The following C3orf49 variants were observed in gnomAD, a reference collection of about 807,000 sequenced individuals.
C3orf49 encodes putative uncharacterized protein C3orf49.
C3orf49 carries 27 observed loss-of-function variants against 13.3 expected under a neutral mutation model. The ratio of observed to expected loss-of-function variants is 2.02; its 90% CI spans 1.49 to 2.79. The LOEUF (loss-of-function observed/expected upper bound fraction) is 2.79, where lower values mean the gene tolerates loss of function less well. C3orf49 is among the 30% of genes most tolerant of loss of function. The pLI, the probability that C3orf49 is intolerant of heterozygous loss-of-function variation, is 0.00. For synonymous variants in C3orf49, 87 were observed against 47.6 expected, an observed-to-expected ratio of 1.83 and a Z score of -3.40; for missense variants, 242 against 134.2, an observed-to-expected ratio of 1.80 and a Z score of -3.97.
the C3orf49 span, among the ~76,000 whole-genome samples, chr3:63,791,069 T>C: frequency 6.8e-4 from 104 of 152,202 alleles, no homozygotes; most frequent in Non-Finnish European, 1.2e-3. Flanking sequence ...CAGGTACTTT[T>C]TGTTTTTTCA....
chr3:63,814,956 T>C (rs1020664900), upstream of C3orf49, among the ~76,000 whole-genome samples: 2 of 152,200 alleles, frequency 1.3e-5, no homozygotes, highest in Non-Finnish European at 2.9e-5. Context: ...TTGGGAGGCC[T>C]CTGGAAGCTC....
At chr3:63,800,863 A>G in the C3orf49 span, among the ~76,000 whole-genome samples, 26 of 152,252 alleles carry the variant, frequency 1.7e-4, no homozygotes, top group Admixed American at 1.1e-3. Flanking sequence ...GAGGGGAAGA[A>G]CCACCCAGGG....
the C3orf49 span, among the ~76,000 whole-genome samples, chr3:63,783,687 C>A: frequency 2.6e-5 from 4 of 151,470 alleles, no homozygotes; most frequent in Admixed American, 2.0e-4. Context: ...CACTACACTC[C>A]AGCCTGGGCA....
At chr3:63,780,727 C>T in the C3orf49 span, among the ~76,000 whole-genome samples, 1 of 152,220 alleles carries the variant, frequency 6.6e-6, no homozygotes, top group African/African-American at 2.4e-5. Context: ...ATTTGCATTT[C>T]TCTGGTGGCC....
chr3:63,811,962 C>T, the C3orf49 span, among the ~76,000 whole-genome samples: 2 of 151,588 alleles, frequency 1.3e-5, no homozygotes, highest in Non-Finnish European at 2.9e-5. Flanking sequence ...GAACTCTGTT[C>T]ATGGAGATTG....
At chr3:63,843,486 T>G (rs1218393733) in intron 5 of C3orf49, among the ~76,000 whole-genome samples, 1 of 152,168 alleles carries the variant, frequency 6.6e-6, no homozygotes, top group Non-Finnish European at 1.5e-5. Flanking sequence ...TGGTTATGTG[T>G]CCAAAGGAAA....
intron 5 of C3orf49, among the ~76,000 whole-genome samples, chr3:63,837,737 A>G (rs1229939849): frequency 1.3e-5 from 2 of 152,106 alleles, no homozygotes; most frequent in African/African-American, 2.4e-5. Flanking sequence ...TAAGAAAAAA[A>G]AAGAGAAAAA....
chr3:63,832,438 C>T (rs879280886), intron 5 of C3orf49, among the ~76,000 whole-genome samples: 3 of 152,122 alleles, frequency 2.0e-5, no homozygotes, highest in Non-Finnish European at 4.4e-5. Flanking sequence ...GTGGGTGGAT[C>T]ACGTGAACCC....
At chr3:63,800,792 C>T in the C3orf49 span, among the ~76,000 whole-genome samples, 1 of 152,064 alleles carries the variant, frequency 6.6e-6, no homozygotes, top group Non-Finnish European at 1.5e-5. Flanking sequence ...GCAAATTTGC[C>T]AGTGGAATCC....
At position 63,828,502 on chromosome 3, in the gene C3orf49, G is replaced by A. The variant is rs559178693; in HGVS notation, c.570+777G>A. On this transcript the variant is annotated intron_variant, in intron 3 of 6. Coordinates refer to ENST00000295896, the MANE Select transcript of C3orf49 (RefSeq NM_001355236.2). ...TTTAGTAGAGACAGCGTTTCGCCAT[G>A]TTGGTCAGGCTGGTCTCGAACTCCT... Among the ~76,000 whole-genome samples the A allele has an allele frequency of 4.6e-4, 70 of 152,298 alleles. No individual in the cohort carries two copies. In the South Asian group the frequency reaches 0.014, roughly 31 times the overall value.
Position 63,829,061 on chromosome 3 carries a change from A to G in C3orf49, c.570+1336A>G, listed in dbSNP as rs77862975. Among the ~76,000 whole-genome samples the G allele has an allele frequency of 5.2e-3, 787 of 152,348 alleles. 6 individuals are homozygous for G. Among genetic ancestry groups the G allele is most frequent in the African/African-American group, 0.018 (748 of 41,576 alleles). ...AGTGGCTGTCCTATACAGCACAGAT[A>G]GAGAACATTTCCATCTTCACAGAAA... On this transcript the variant is annotated intron_variant, in intron 3 of 6. Transcript: ENST00000295896.
At chr3:63,838,442 G>A in intron 5 of C3orf49, 1 of 1,608,574 alleles carries the variant, frequency 6.2e-7, no homozygotes, top group Admixed American at 1.7e-5. Context: ...GTAAAGTTTT[G>A]CCCATTGAAA....
intron 5 of C3orf49, chr3:63,838,130 C>A: frequency 7.0e-7 from 1 of 1,424,316 alleles, no homozygotes; most frequent in Non-Finnish European, 9.6e-7. Flanking sequence ...TTTTAAAACG[C>A]ATTTATAAAT....
chr3:63,785,065 CTTTTTTTT>C, the C3orf49 span, among the ~76,000 whole-genome samples: 6 of 64,944 alleles, frequency 9.2e-5, no homozygotes, highest in African/African-American at 2.0e-4. Flanking sequence ...TCTTCTTCTT[CTTTTTTTT>C]TTTTTTTTTT....
chr3:63,789,774 G>A, the C3orf49 span, among the ~76,000 whole-genome samples: 12 of 129,350 alleles, frequency 9.3e-5, no homozygotes, highest in South Asian at 2.7e-3. Flanking sequence ...TGGCGCCACC[G>A]CACTCTAGCC....
chr3:63,804,827 C>T, the C3orf49 span, among the ~76,000 whole-genome samples: 1 of 152,110 alleles, frequency 6.6e-6, no homozygotes, highest in East Asian at 1.9e-4. Flanking sequence ...CAAGGAATTC[C>T]CTGTGTCTCA....
chr3:63,815,219 C>T (rs539391875), upstream of C3orf49, among the ~76,000 whole-genome samples: 1 of 152,338 alleles, frequency 6.6e-6, no homozygotes, highest in East Asian at 1.9e-4. Flanking sequence ...GGCAGGGACA[C>T]ATATCCAAAC....
chr3:63,837,730 G>GA (rs1012841240), intron 5 of C3orf49, among the ~76,000 whole-genome samples: 2 of 148,508 alleles, frequency 1.3e-5, no homozygotes, highest in Admixed American at 6.7e-5. Flanking sequence ...ACTGGGATAA[G>GA]AAAAAAAAAG....
chr3:63,836,228 G>T, intron 5 of C3orf49: 1 of 1,388,374 alleles, frequency 7.2e-7, no homozygotes, highest in South Asian at 1.3e-5. Flanking sequence ...CTGCAAAAAT[G>T]AAATGCCTAC....
Sources: allele counts gnomAD v4.1 joint callset (sites outside exome capture counted in the v4.1 genomes callset), GRCh38; gene constraint gnomAD v4.1.1; transcripts MANE v1.5; gene names NCBI Gene and HGNC (gene_info 2026-07-23, HGNC 2026-07-21).